TET3: variants seen among roughly 807,000 people sequenced by gnomAD.
TET3 encodes the protein tet methylcytosine dioxygenase 3.
TET3 carries 19 observed loss-of-function variants against 141.4 expected under a neutral mutation model. The observed-to-expected ratio is 0.13, with a 90% CI of 0.09 to 0.20. The LOEUF is 0.20. Among genes scored for constraint, TET3 ranks in the 10% least tolerant of loss-of-function variants. The pLI is 1.00. For missense variants in TET3, 1,874 were observed against 2,356.9 expected, an observed-to-expected ratio of 0.80 and a Z score of 4.24; for synonymous variants, 1,043 against 980.9, an observed-to-expected ratio of 1.06 and a Z score of -1.18.
the TET3 span, chr2:74,121,206 C>A: frequency 6.6e-6 from 1 of 152,162 alleles, no homozygotes; most frequent in Non-Finnish European, 1.5e-5. Flanking sequence ...CGGCAGACTA[C>A]TCAATGAGAA....
chr2:74,087,815 C>T lies in TET3; in HGVS notation c.2680-15C>T, dbSNP rs1470034723. On this transcript the variant is annotated splice_polypyrimidine_tract_variant and intron_variant, in intron 6 of 11. Coordinates refer to ENST00000409262, the MANE Select transcript of TET3 (RefSeq NM_001287491.2). The surrounding 1 kb of genome is among the most constrained non-coding windows in gnomAD (Gnocchi z 4.3). Reference sequence around the variant, plus strand: ...GGTACCTGGCTCCTGCCCCTCACACCCTGCGTCCCTGCAGGTGATCCGCAG... The same window carrying T: ...GGTACCTGGCTCCTGCCCCTCACACTCTGCGTCCCTGCAGGTGATCCGCAG... 1 of 1,541,548 alleles carries T rather than the reference C, an allele frequency of 6.5e-7. No homozygotes were observed. The highest frequency in any genetic ancestry group is 1.2e-5 in the South Asian group (1 of 82,962).
chr2:74,090,111 A>C, intron 8 of TET3, 64 bp downstream of exon 8: 1 of 1,592,048 alleles, frequency 6.3e-7, no homozygotes, highest in Non-Finnish European at 8.6e-7. Flanking sequence ...TTCATGGTCC[A>C]GCGGGAGGTA....
chr2:74,016,175 G>A (rs1330688058), intron 3 of TET3, among the ~76,000 whole-genome samples: 1 of 151,994 alleles, frequency 6.6e-6, no homozygotes, highest in African/African-American at 2.4e-5. Context: ...CTAGATCAGT[G>A]GGGGCAACAT....
the TET3 span, among the ~76,000 whole-genome samples, chr2:74,124,204 C>T: frequency 2.7e-5 from 4 of 148,506 alleles, no homozygotes; most frequent in African/African-American, 7.5e-5. Context: ...CCACCCCATC[C>T]GGGAGGGAGG....
intron 3 of TET3, among the ~76,000 whole-genome samples, chr2:74,045,332 CTCA>C (rs1190790234): frequency 3.9e-5 from 6 of 152,204 alleles, no homozygotes. Flanking sequence ...CATCCTGTAC[CTCA>C]TCATGCTTTC....
chr2:74,022,572 AT>A (rs1202147243), intron 3 of TET3, among the ~76,000 whole-genome samples: 2 of 142,968 alleles, frequency 1.4e-5, no homozygotes, highest in African/African-American at 2.6e-5. Context: ...TCGGTTTATT[AT>A]TTTTTTTTCT....
downstream of TET3, among the ~76,000 whole-genome samples, chr2:74,109,614 C>T (rs541571988): frequency 9.2e-5 from 14 of 152,342 alleles, no homozygotes; most frequent in East Asian, 1.9e-4. Context: ...TTTCTTTCTA[C>T]GCTGAGAAGC....
Position 74,101,271 on chromosome 2 carries a change from G to A in TET3, c.4483G>A (p.Gly1495Ser), listed in dbSNP as rs201927778. Residue 1495 changes from glycine to serine, a missense_variant, in exon 12 of 12, where the codon GGT becomes AGT. Transcript: ENST00000409262. The surrounding 1 kb of genome is among the most constrained non-coding windows in gnomAD (Gnocchi z 8.5). ...FTDGQWGLFPGEGQQAASHSG... is the reference protein window; with the variant it reads ...FTDGQWGLFPSEGQQAASHSG... The stretch of plus-strand genomic sequence containing the variant: ...AGATGGCCAGTGGGGGCTGTTCCCC[G>A]GTGAGGGGCAGCAGGCAGCTTCCCA... 2.6e-4 allele frequency: 414 copies of A among 1,612,464 alleles called. 1 individual carries two copies. In the African/African-American group the frequency reaches 5.1e-3, roughly 20 times the overall value.
At chr2:74,122,509 A>ATTTTTTTTTT in the TET3 span, 3 of 76,260 alleles carry the variant, frequency 3.9e-5, no homozygotes, top group Non-Finnish European at 7.2e-5. Context: ...ATATATATAT[A>ATTTTTTTTTT]TATTTTTTTT....
chr2:74,003,010 G>A (rs1205757652), intron 2 of TET3, 100 bp from the exon 3 acceptor site: 2 of 1,320,578 alleles, frequency 1.5e-6, no homozygotes, highest in South Asian at 1.3e-5. Flanking sequence ...CCTCCCGTTC[G>A]CCTTCTTCCC....
At position 74,103,301 on chromosome 2, in the gene TET3, CT is replaced by C. The variant is rs1317815697; in HGVS notation, c.*1128del. 6.6e-6 allele frequency: 1 copy of C among 152,546 alleles called. No homozygotes were observed. Among genetic ancestry groups the C allele is most frequent in the Non-Finnish European group, 1.5e-5 (1 of 68,220 alleles). 9.4% of individuals were successfully genotyped at this position (152,546 alleles called of 1,614,324 possible). On this transcript the variant is annotated 3_prime_UTR_variant, in exon 12 of 12. Coordinates refer to ENST00000409262, the MANE Select transcript of TET3 (RefSeq NM_001287491.2). ...CTGGTGCTGTAGTGTTGTGCTGGGA[CT>C]TTCTTGACTCTTGGGCAGGTCACAT...
At chr2:74,063,430 C>T (rs1234544171) in intron 4 of TET3, among the ~76,000 whole-genome samples, 1 of 152,170 alleles carries the variant, frequency 6.6e-6, no homozygotes, top group African/African-American at 2.4e-5. Context: ...ATCATGTCTA[C>T]TGATGATCCT....
chr2:74,110,723 T>C (rs527714545), downstream of TET3, among the ~76,000 whole-genome samples: 5 of 152,234 alleles, frequency 3.3e-5, no homozygotes, highest in East Asian at 9.7e-4. Context: ...CCAATTTCCC[T>C]CACCACACTT....
In TET3 at chr2:74,099,260, C is replaced by G. The variant is rs1264538489; in HGVS notation, c.3268-16C>G. The G allele has an allele frequency of 6.4e-7, 1 of 1,561,080 alleles. No homozygotes were observed. Among genetic ancestry groups the G allele is most frequent in the South Asian group, 1.2e-5 (1 of 84,904 alleles). On this transcript the variant is annotated splice_polypyrimidine_tract_variant and intron_variant, in intron 10 of 11. Transcript: ENST00000409262. ...CCCCCAACCCCATGTCCTCTCTCCC[C>G]CACTGCTTGGGGCAGGTCTGCACCC...
Position 74,003,172 on chromosome 2 carries a change from TTGTGTGTGTGCGTGCG to T in TET3, c.360+15_360+30del, listed in dbSNP as rs1267040756. 3.2e-6 allele frequency: 5 copies of T among 1,547,982 alleles called. No individual in the cohort carries two copies. The highest frequency in any genetic ancestry group is 4.4e-6 in the Non-Finnish European group (5 of 1,146,062). ...GACAAGGAGCGGCTGTCAAGGTACC[TTGTGTGTGTGCGTGCG>T]TGTGTGTGCGTGTGTGTGGTGGCGG... is the stretch of plus-strand genomic sequence containing the variant. On this transcript the variant is annotated splice_region_variant and intron_variant, in intron 3 of 11. Coordinates refer to ENST00000409262, the MANE Select transcript of TET3 (RefSeq NM_001287491.2).
chr2:73,996,612 A>G (rs1438483953), intron 2 of TET3, among the ~76,000 whole-genome samples: 1 of 152,168 alleles, frequency 6.6e-6, no homozygotes, highest in Non-Finnish European at 1.5e-5. Context: ...GATTTGAGCG[A>G]TTCTCGTGCC....
At chr2:74,032,440 GGGGTGTGTCTCT>G (rs1171937400) in intron 3 of TET3, among the ~76,000 whole-genome samples, 1 of 138,616 alleles carries the variant, frequency 7.2e-6, no homozygotes, top group African/African-American at 3.1e-5. Flanking sequence ...GGCTGCAAGA[GGGGTGTGTCTCT>G]GTGTGTGTGT....
intron 4 of TET3, 105 bp downstream of exon 4, chr2:74,048,516 A>G (rs959321757): frequency 1.9e-5 from 23 of 1,213,166 alleles, no homozygotes; most frequent in South Asian, 6.3e-5. Flanking sequence ...ATTTGTGCCA[A>G]CTGCCACACT....
At chr2:74,074,592 A>T (rs1046049960) in intron 5 of TET3, among the ~76,000 whole-genome samples, 24 of 152,354 alleles carry the variant, frequency 1.6e-4, no homozygotes, top group Non-Finnish European at 3.1e-4. Context: ...CTTGAGCCAG[A>T]CTGAGGCCCA....
Sources: gnomAD v4.1 joint callset for allele counts (sites outside exome capture counted in the v4.1 genomes callset) on GRCh38, gnomAD v4.1.1 for gene constraint, Gnocchi (gnomAD v3.1) non-coding constraint, MANE v1.5 for transcripts, NCBI Gene and HGNC (gene_info 2026-07-23, HGNC 2026-07-21) for gene names.